TTF2: variants seen among roughly 807,000 people sequenced by gnomAD.
TTF2 encodes transcription termination factor 2.
Under a neutral mutation model 142.4 loss-of-function variants are expected in TTF2, and 108 were observed. The ratio of observed to expected loss-of-function variants is 0.76; its 90% CI spans 0.65 to 0.89. The LOEUF is 0.89. TTF2 is among the 40% of genes least tolerant of loss of function. The pLI is 0.00. For synonymous variants in TTF2, 483 were observed against 506.2 expected (o/e 0.95, Z 0.61); for missense variants, 1,327 against 1,379.8 (o/e 0.96, Z 0.61).
chr1:117,095,168 G>C (rs1648998295), intron 18 of TTF2, 141 bp from the exon 19 acceptor site: 1 of 708,492 alleles, frequency 1.4e-6, no homozygotes, highest in African/African-American at 1.8e-5. Context: ...GAGCTTTCTG[G>C]CTGCAGAGAG....
Position 117,088,844 on chromosome 1 carries a change from T to C in TTF2, c.2204T>C (p.Ile735Thr). Residue 735 changes from isoleucine (I) to threonine (T), a missense_variant, in exon 13 of 23, where the codon ATA (isoleucine) becomes ACA (threonine). Ile to Thr is a moderately conservative substitution (Grantham distance 89, BLOSUM62 -1). Transcript: ENST00000369466. ...CTTCGAATAGCCTGGGCTCGAATCA[T>C]ATTGGATGAAGCTCACAATGTTAAG... ...PLLRIAWARI[I>T]LDEAHNVKNP... 1 of 1,614,180 alleles carries C rather than the reference T, an allele frequency of 6.2e-7. No individual in the cohort carries two copies. Among genetic ancestry groups the C allele is most frequent in the South Asian group, 1.1e-5 (1 of 91,082 alleles).
intron 3 of TTF2, among the ~76,000 whole-genome samples, chr1:117,072,944 A>G (rs1300762533): frequency 1.3e-5 from 2 of 152,130 alleles, no homozygotes; most frequent in Non-Finnish European, 2.9e-5. Flanking sequence ...GTTGGTTTAC[A>G]TATTTTCAGT....
At position 117,100,214 on chromosome 1, in the gene TTF2, A is replaced by G. The variant is rs998023642; in HGVS notation, c.3345-1166A>G. On this transcript the variant is annotated intron_variant, in intron 22 of 22. Transcript: ENST00000369466. The surrounding 1 kb of genome is among the most constrained non-coding windows in gnomAD (Gnocchi z 4.6). ...TATCTCAAATCTGCTATTCTTCTGT[A>G]GTCATTGTCTTTGTGAATAGTATCA... Among the ~76,000 whole-genome samples the G allele has an allele frequency of 1.4e-4, 21 of 152,236 alleles. No individual in the cohort carries two copies. Among genetic ancestry groups the G allele is most frequent in the African/African-American group, 5.1e-4 (21 of 41,470 alleles).
intron 9 of TTF2, 77 bp from the exon 10 acceptor site, chr1:117,081,751 G>C: frequency 6.5e-7 from 1 of 1,536,484 alleles, no homozygotes; most frequent in Non-Finnish European, 8.8e-7. Flanking sequence ...ATGTCTGCCA[G>C]TGGTTTCTCC....
At chr1:117,071,140 A>T (rs1368866440) in intron 3 of TTF2, among the ~76,000 whole-genome samples, 2 of 152,166 alleles carry the variant, frequency 1.3e-5, no homozygotes, top group African/African-American at 4.8e-5. Context: ...AATACATAAC[A>T]TGAGAAATAA....
intron 3 of TTF2, among the ~76,000 whole-genome samples, chr1:117,065,489 T>C (rs1656022138): frequency 6.6e-6 from 1 of 152,096 alleles, no homozygotes; most frequent in Non-Finnish European, 1.5e-5. Context: ...TCCCAGCTAC[T>C]CAGGAGGCTG....
intron 18 of TTF2, 144 bp from the exon 19 acceptor site, chr1:117,095,165 C>G (rs1648997751): frequency 1.4e-6 from 1 of 697,192 alleles, no homozygotes; most frequent in Non-Finnish European, 2.5e-6. Context: ...AAAGAGCTTT[C>G]TGGCTGCAGA....
At position 117,103,153 on chromosome 1, in the gene TTF2, G is replaced by C. The variant is rs532817205; in HGVS notation, c.*1629G>C. 2.6e-5 allele frequency: 4 copies of C among 152,296 alleles called. No homozygotes were observed. Among genetic ancestry groups the C allele is most frequent in the African/African-American group, 9.6e-5 (4 of 41,572 alleles). The allele number at this position is 152,296 out of a possible 1,614,324, so 9.4% of individuals were successfully genotyped here. A position where few individuals can be genotyped will look rare whatever the true frequency, so the allele number is the denominator to read the frequency against. On this transcript the variant is annotated 3_prime_UTR_variant, in exon 23 of 23. Coordinates refer to ENST00000369466, the MANE Select transcript of TTF2 (RefSeq NM_003594.4). ...TCAGCAGTTCTTAGCCTAGTTTTTG[G>C]CCATCAGCCCTTCTATTAGACTAGT...
rs933055874 is a variant in TTF2, at chr1:117,093,981, G to A, written c.2976+1080G>A. Among the ~76,000 whole-genome samples, 1 of 152,168 alleles carries A rather than the reference G, an allele frequency of 6.6e-6. No individual in the cohort carries two copies. Among genetic ancestry groups the A allele is most frequent in the Non-Finnish European group, 1.5e-5 (1 of 68,032 alleles). On this transcript the variant is annotated intron_variant, in intron 18 of 22. Transcript: ENST00000369466. This position sits in a 1 kb window ranked among gnomAD's most constrained non-coding sequence, Gnocchi z 4.5. ...AAAACACCATGGCTAGCTTTTTCAT[G>A]TGGGAGTCACAGCGCCTTCCACAAT...
At position 117,104,396 on chromosome 1, in the gene TTF2, C is replaced by A. The variant is rs1649803712; in HGVS notation, c.*2872C>A. ...TAGATGAACATTGTCAGTCTCCAAT[C>A]AAGCATTGTTTAGGGGAGAGGAATT... On this transcript the variant is annotated 3_prime_UTR_variant, in exon 23 of 23. Transcript: ENST00000369466. 1 of 152,218 alleles carries A rather than the reference C, an allele frequency of 6.6e-6. No individual in the cohort carries two copies. Among genetic ancestry groups the A allele is most frequent in the Admixed American group, 6.5e-5 (1 of 15,282 alleles). 9.4% of individuals were successfully genotyped at this position (152,218 alleles called of 1,614,324 possible).
At chr1:117,084,266 C>T (rs551608131) in intron 11 of TTF2, 98 bp downstream of exon 11, 14 of 1,467,252 alleles carry the variant, frequency 9.5e-6, no homozygotes, top group Middle Eastern at 2.4e-4. Flanking sequence ...TTAATCAGGA[C>T]GCGTATTTGT....
chr1:117,092,869 G>C lies in TTF2; in HGVS notation c.2944G>C (p.Glu982Gln), dbSNP rs182491431. Residue 982 changes from glutamate to glutamine, a missense_variant, in exon 18 of 23, where the codon GAG becomes CAG. By Grantham distance (29) the Glu-to-Gln change is conservative. Transcript: ENST00000369466. This position sits in a 1 kb window ranked among gnomAD's most constrained non-coding sequence, Gnocchi z 4.4. ...CCTTAACGGCACCTTCTTCAAGATGGAGCTTTTTGAAGGCATGCGAGAGAG... is the reference window on the plus strand; with the variant it reads ...CCTTAACGGCACCTTCTTCAAGATGCAGCTTTTTGAAGGCATGCGAGAGAG... ...VSLNGTFFKM[E>Q]LFEGMRESTK... is the part of the protein sequence containing the mutation. 1.2e-6 allele frequency: 2 copies of C among 1,614,146 alleles called. No individual in the cohort carries two copies. Among genetic ancestry groups the C allele is most frequent in the East Asian group, 4.5e-5 (2 of 44,874 alleles).
rs1391479472 is a variant in TTF2 at position 117,090,709 on chromosome 1, A to T, written c.2588+86A>T. 8.7e-7 allele frequency: 1 copy of T among 1,142,934 alleles called. No individual in the cohort carries two copies. The allele number at this position is 1,142,934 out of a possible 1,614,324, so 70.8% of individuals were successfully genotyped here. A position where few individuals can be genotyped will look rare whatever the true frequency, so the allele number is the denominator to read the frequency against. ...AGTGAGTTGAAGGTCAAATTTCCAC[A>T]AACTTTATGGCATTATTGATTAGTT... On this transcript the variant is annotated intron_variant, in intron 15 of 22. Transcript: ENST00000369466. The surrounding 1 kb of genome is among the most constrained non-coding windows in gnomAD (Gnocchi z 4.8).
In TTF2 at chr1:117,097,516, T is replaced by TA; in HGVS notation, c.3269+84dup. 1 of 1,223,494 alleles carries TA rather than the reference T, an allele frequency of 8.2e-7. No homozygotes were observed. The highest frequency in any genetic ancestry group is 1.2e-6 in the Non-Finnish European group (1 of 824,446). 75.8% of individuals were successfully genotyped at this position (1,223,494 alleles called of 1,614,324 possible). A position where few individuals can be genotyped will look rare whatever the true frequency, so the allele number is the denominator to read the frequency against. On this transcript the variant is annotated intron_variant, in intron 21 of 22. Transcript: ENST00000369466. This position sits in a 1 kb window ranked among gnomAD's most constrained non-coding sequence, Gnocchi z 4.1. ...ACAGGGGCAGCAAGAACTGACTTCT[T>TA]ATGTTGATTGCTGTGTTCGTATTGC...
chr1:117,069,570 T>C (rs1366027869), intron 3 of TTF2, among the ~76,000 whole-genome samples: 1 of 152,254 alleles, frequency 6.6e-6, no homozygotes, highest in East Asian at 1.9e-4. Flanking sequence ...GGCTTTGCTC[T>C]GATTGTATTT....
At position 117,106,801 on chromosome 1, in the gene TTF2, G is replaced by A. The variant is rs1475625791; in HGVS notation, c.*5277G>A. On this transcript the variant is annotated 3_prime_UTR_variant, in exon 23 of 23. Coordinates refer to ENST00000369466, the MANE Select transcript of TTF2 (RefSeq NM_003594.4). ...GCTTCTAATGAGCATCCACTTCATT[G>A]AACCACCTCTTCATTGAGCCAAACC... is the stretch of plus-strand genomic sequence containing the variant. 8 of 152,192 alleles carry A rather than the reference G, an allele frequency of 5.3e-5. 1 individual carries two copies. The highest frequency in any genetic ancestry group is 1.2e-4 in the Non-Finnish European group (8 of 68,046). The allele number at this position is 152,192 out of a possible 1,614,324, so 9.4% of individuals were successfully genotyped here. A position where few individuals can be genotyped will look rare whatever the true frequency, so the allele number is the denominator to read the frequency against.
In TTF2 at chr1:117,062,387, C is replaced by T. The variant is rs368068510; in HGVS notation, c.132C>T (p.Asp44=). Residue 44 remains aspartate (D), a splice_region_variant and synonymous_variant, in exon 3 of 23, where the codon GAC becomes GAT. Coordinates refer to ENST00000369466, the MANE Select transcript of TTF2 (RefSeq NM_003594.4). ...TTTTCAACTTTTTTCTTTTCTCTAG[C>T]ATTCCTGTTTCCCATTGCTTATTGC... is the stretch of plus-strand genomic sequence containing the variant. ...ADTCSFVRAT[D]IPVSHCLLHE... is the part of the protein sequence containing the mutation. The T allele has an allele frequency of 7.4e-6, 12 of 1,611,822 alleles. No individual in the cohort carries two copies. The African/African-American group carries it at 1.5e-4, about 20-fold the overall frequency.
intron 7 of TTF2, 112 bp from the exon 8 acceptor site, chr1:117,077,804 T>A: frequency 1.4e-6 from 2 of 1,422,180 alleles, no homozygotes; most frequent in South Asian, 1.3e-5. Context: ...AGGAGAGTAG[T>A]TAACAAGGAG....
chr1:117,094,626 TTTC>T, intron 18 of TTF2: 1 of 480,478 alleles, frequency 2.1e-6, no homozygotes, highest in Non-Finnish European at 4.3e-6. Context: ...GCTCTTTCAC[TTTC>T]TTCTTCAGCA....
Sources: gnomAD v4.1 joint callset for allele counts (sites outside exome capture counted in the v4.1 genomes callset) on GRCh38, gnomAD v4.1.1 for gene constraint, Gnocchi (gnomAD v3.1) non-coding constraint, MANE v1.5 for transcripts, NCBI Gene and HGNC (gene_info 2026-07-23, HGNC 2026-07-21) for gene names.